The following TRAF6 variants were observed in gnomAD, a reference collection of about 807,000 sequenced individuals.
TRAF6 encodes TNF receptor-associated factor 6.
In TRAF6, 10 loss-of-function variants were observed where a neutral mutation model predicts 48.4. The ratio of observed to expected loss-of-function variants is 0.21; its 90% CI spans 0.13 to 0.35. The LOEUF is 0.35. Among genes scored for constraint, TRAF6 ranks in the 10% least tolerant of loss-of-function variants. The probability of loss-of-function intolerance (pLI) is 1.00; values close to 1 mark genes in which losing one functional copy is unlikely to be tolerated. For synonymous variants in TRAF6, 186 were observed against 219.6 expected (o/e 0.85, Z 1.35); for missense variants, 397 against 661.0 (o/e 0.60, Z 4.38).
intron 2 of TRAF6, among the ~76,000 whole-genome samples, chr11:36,500,327 G>C (rs751813984): frequency 4.6e-5 from 7 of 152,110 alleles, no homozygotes; most frequent in Non-Finnish European, 1.0e-4. Flanking sequence ...AAGAGTTAAG[G>C]GGTTAGCTGT....
At chr11:36,509,771 C>T (rs1859877283) in intron 1 of TRAF6, among the ~76,000 whole-genome samples, 1 of 150,458 alleles carries the variant, frequency 6.6e-6, no homozygotes. Context: ...TGCGTCCCGA[C>T]CTGCAGGAAG....
At position 36,498,674 on chromosome 11, in the gene TRAF6, A is replaced by C. The variant is rs368215187; in HGVS notation, c.297-34T>G. On this transcript the variant is annotated intron_variant, in intron 2 of 6. Coordinates refer to ENST00000526995, the MANE Select transcript of TRAF6 (RefSeq NM_004620.4). ...AACAAAATACACACAATTAGATTTA[A>C]AGACTCACATTAGAAAATCCAAACA... 727 of 1,565,244 alleles carry C rather than the reference A, an allele frequency of 4.6e-4. 1 individual carries two copies. Among genetic ancestry groups the C allele is most frequent in the Non-Finnish European group, 6.1e-4 (705 of 1,159,716 alleles).
In TRAF6 at chr11:36,507,580, T is replaced by TGTATATATGTATACAC. The variant is rs1859814194; in HGVS notation, c.-23+2467_-23+2468insGTGTATACATATATAC. The stretch of plus-strand genomic sequence containing the variant: ...GTATATATACATGTATATGTATACA[T>TGTATATATGTATACAC]ACACGCGCGTGTATATATGTATACA... On this transcript the variant is annotated intron_variant, in intron 1 of 6. Transcript: ENST00000526995. Among the ~76,000 whole-genome samples the TGTATATATGTATACAC allele has an allele frequency of 5.8e-3, 22 of 3,788 alleles. 10 individuals carry two copies. The South Asian group carries it at 0.24, about 41-fold the overall frequency. The allele number at this position is 3,788 out of a possible 152,430, so 2.5% of individuals were successfully genotyped here. A position where few individuals can be genotyped will look rare whatever the true frequency, so the allele number is the denominator to read the frequency against.
At chr11:36,491,127 T>A (rs755188159) in intron 6 of TRAF6, among the ~76,000 whole-genome samples, 4 of 148,144 alleles carry the variant, frequency 2.7e-5, no homozygotes, top group Non-Finnish European at 5.9e-5. Flanking sequence ...AGAGCTTTTG[T>A]CTCTCTCTAG....
Position 36,487,536 on chromosome 11 carries a change from A to G in TRAF6, c.*2302T>C, listed in dbSNP as rs533921800. The G allele has an allele frequency of 6.6e-6, 1 of 152,320 alleles. No individual in the cohort carries two copies. The highest frequency in any genetic ancestry group is 1.5e-5 in the Non-Finnish European group (1 of 68,028). The allele number at this position is 152,320 out of a possible 1,614,324, so 9.4% of individuals were successfully genotyped here. A position where few individuals can be genotyped will look rare whatever the true frequency, so the allele number is the denominator to read the frequency against. ...TTAGAGGAAAGTATCAGTGTCAGCA[A>G]AGAGTAAGTTAAAGACATTTTATAC... On this transcript the variant is annotated 3_prime_UTR_variant, in exon 7 of 7. Coordinates refer to ENST00000526995, the MANE Select transcript of TRAF6 (RefSeq NM_004620.4).
intron 1 of TRAF6, among the ~76,000 whole-genome samples, chr11:36,504,190 T>C (rs1254132530): frequency 2.0e-5 from 3 of 151,952 alleles, no homozygotes; most frequent in Admixed American, 1.3e-4. Flanking sequence ...CTCAAAATAA[T>C]ACAACAATGA....
At chr11:36,495,841 G>A (rs772141935) in intron 4 of TRAF6, among the ~76,000 whole-genome samples, 1 of 152,058 alleles carries the variant, frequency 6.6e-6, no homozygotes, top group South Asian at 2.1e-4. Context: ...GTGGTGAGCC[G>A]AGATTGCGCC....
intron 1 of TRAF6, among the ~76,000 whole-genome samples, chr11:36,506,475 G>T (rs520074): frequency 0.98 from 148,485 of 152,264 alleles, 72,486 homozygotes; most frequent in Non-Finnish European, 1. Context: ...ATTTGGTGTA[G>T]GACATATATC....
chr11:36,498,378 C>G, intron 3 of TRAF6, 112 bp downstream of exon 3: 1 of 899,008 alleles, frequency 1.1e-6, no homozygotes, highest in East Asian at 2.8e-5. Context: ...AATTTATTAA[C>G]CAATCATCAT....
At position 36,485,892 on chromosome 11, in the gene TRAF6, T is replaced by C. The variant is rs996065839; in HGVS notation, c.*3946A>G. Among the ~76,000 whole-genome samples the C allele has an allele frequency of 6.6e-6, 1 of 152,108 alleles. No homozygotes were observed. On this transcript the variant is annotated 3_prime_UTR_variant, in exon 7 of 7. Transcript: ENST00000526995. ...CAAAGACAGAAACAGAGAAACTAAC[T>C]TACAGTCCATCATGTCAATCTGGGA...
In TRAF6 at chr11:36,510,214, G is replaced by C. The variant is rs1208249892; in HGVS notation, c.-189C>G. 6.6e-6 allele frequency: 1 copy of C among 152,252 alleles called. No homozygotes were observed. Among genetic ancestry groups the C allele is most frequent in the Non-Finnish European group, 1.5e-5 (1 of 68,170 alleles). The allele number at this position is 152,252 out of a possible 1,614,324, so 9.4% of individuals were successfully genotyped here. A position where few individuals can be genotyped will look rare whatever the true frequency, so the allele number is the denominator to read the frequency against. On this transcript the variant is annotated 5_prime_UTR_variant, in exon 1 of 7. Coordinates refer to ENST00000526995, the MANE Select transcript of TRAF6 (RefSeq NM_004620.4). ...TCCAGTGGGAGCCTTCGCCACCTTC[G>C]CTGGCCGCCCGCAGGCCAAGCCCCA... is the stretch of plus-strand genomic sequence containing the variant.
rs1564962889 is a variant in TRAF6 at position 36,485,387 on chromosome 11, C to T, written c.*4451G>A. On this transcript the variant is annotated 3_prime_UTR_variant, in exon 7 of 7. Coordinates refer to ENST00000526995, the MANE Select transcript of TRAF6 (RefSeq NM_004620.4). ...ATTCAGCAGCAACCAGAACACATCC[C>T]CATTCCACACAGTTTACCTTCTCCT... Among the ~76,000 whole-genome samples the T allele has an allele frequency of 6.6e-6, 1 of 152,066 alleles. No homozygotes were observed. Among genetic ancestry groups the T allele is most frequent in the Non-Finnish European group, 1.5e-5 (1 of 68,038 alleles).
intron 1 of TRAF6, among the ~76,000 whole-genome samples, chr11:36,502,517 C>G (rs1859731734): frequency 6.6e-6 from 1 of 152,052 alleles, no homozygotes; most frequent in South Asian, 2.1e-4. Context: ...ATTCAAGAAA[C>G]AGAATGTAGG....
intron 1 of TRAF6, among the ~76,000 whole-genome samples, chr11:36,508,741 T>C (rs1473667168): frequency 6.6e-6 from 1 of 152,228 alleles, no homozygotes; most frequent in Admixed American, 6.5e-5. Flanking sequence ...TGTACTCCAA[T>C]GGCCAAGAGA....
chr11:36,498,621 G>GA lies in TRAF6; in HGVS notation c.315dup (p.Pro106SerfsTer3). ...TCCAGCAGTATTTCATTGTCAACTG[G>GA]ACATTTGTGACCTGCATCCCTAACA... On this transcript the variant is annotated frameshift_variant, in exon 3 of 7. Transcript: ENST00000526995. LOFTEE classifies it high-confidence loss of function. 1 of 1,612,088 alleles carries GA rather than the reference G, an allele frequency of 6.2e-7. No individual in the cohort carries two copies. Among genetic ancestry groups the GA allele is most frequent in the Non-Finnish European group, 8.5e-7 (1 of 1,179,408 alleles).
chr11:36,486,500 G>A lies in TRAF6; in HGVS notation c.*3338C>T, dbSNP rs947310859. Among the ~76,000 whole-genome samples, 16 of 152,108 alleles carry A rather than the reference G, an allele frequency of 1.1e-4. No individual in the cohort carries two copies. In the East Asian group the frequency reaches 1.3e-3, roughly 13 times the overall value. On this transcript the variant is annotated 3_prime_UTR_variant, in exon 7 of 7. Transcript: ENST00000526995. ...ATCTAAGACTTACTGGTGTAAAAACGGTAATAGAGAATTATACTGTGACCT... is the reference window on the plus strand; with the variant it reads ...ATCTAAGACTTACTGGTGTAAAAACAGTAATAGAGAATTATACTGTGACCT...
intron 2 of TRAF6, among the ~76,000 whole-genome samples, chr11:36,500,277 T>C (rs201976006): frequency 6.6e-6 from 1 of 152,076 alleles, no homozygotes; most frequent in Non-Finnish European, 1.5e-5. Context: ...AATACGGTGG[T>C]GAGGGGACCT....
At position 36,486,008 on chromosome 11, in the gene TRAF6, A is replaced by G. The variant is rs1859478388; in HGVS notation, c.*3830T>C. Among the ~76,000 whole-genome samples, 1 of 152,110 alleles carries G rather than the reference A, an allele frequency of 6.6e-6. No individual in the cohort carries two copies. Among genetic ancestry groups the G allele is most frequent in the Non-Finnish European group, 1.5e-5 (1 of 68,032 alleles). On this transcript the variant is annotated 3_prime_UTR_variant, in exon 7 of 7. Transcript: ENST00000526995. The stretch of plus-strand genomic sequence containing the variant: ...TAAGGCATTGCACTGTTTAGGTTGT[A>G]AGCAACTAGGCATCACAAACAGAAT...
rs957929243 is a variant in TRAF6 at position 36,490,843 on chromosome 11, A to G, written c.757-193T>C. ...CTCTTAGTTCACTGAAAAACAGACT[A>G]TCTGATGACTACTCTCCCAGCTTTC... On this transcript the variant is annotated intron_variant, in intron 6 of 6. Transcript: ENST00000526995. This position sits in a 1 kb window ranked among gnomAD's most constrained non-coding sequence, Gnocchi z 6.4. 2.0e-5 allele frequency among the ~76,000 whole-genome samples: 3 copies of G among 152,166 alleles called. No homozygotes were observed. The highest frequency in any genetic ancestry group is 4.4e-5 in the Non-Finnish European group (3 of 68,016).
Sources: allele counts gnomAD v4.1 joint callset (sites outside exome capture counted in the v4.1 genomes callset), GRCh38; gene constraint gnomAD v4.1.1; non-coding constraint Gnocchi (gnomAD v3.1); transcripts MANE v1.5; gene names NCBI Gene and HGNC (gene_info 2026-07-23, HGNC 2026-07-21).